DGKB: variants seen among roughly 807,000 people sequenced by gnomAD.
DGKB encodes 90 kDa diacylglycerol kinase.
DGKB carries 67 observed loss-of-function variants against 114.3 expected under a neutral mutation model. The observed-to-expected ratio is 0.59, with a 90% CI of 0.48 to 0.72. The LOEUF is 0.72. Ranked by LOEUF, DGKB falls within the 30% of genes least tolerant of loss-of-function variation. The probability of loss-of-function intolerance (pLI) is 0.00; values close to 1 mark genes in which losing one functional copy is unlikely to be tolerated. For missense variants in DGKB, 907 were observed against 975.2 expected, an observed-to-expected ratio of 0.93 and a Z score of 0.93; for synonymous variants, 398 against 323.1, an observed-to-expected ratio of 1.23 and a Z score of -2.49.
intron 20 of DGKB, among the ~76,000 whole-genome samples, chr7:14,562,718 G>A (rs915913116): frequency 1.3e-5 from 2 of 152,138 alleles, no homozygotes; most frequent in Non-Finnish European, 2.9e-5. Context: ...CCCAATGTCT[G>A]TACCCCCATT....
chr7:14,431,239 T>G (rs1828405969), intron 21 of DGKB, among the ~76,000 whole-genome samples: 1 of 152,140 alleles, frequency 6.6e-6, no homozygotes, highest in Non-Finnish European at 1.5e-5. Flanking sequence ...ACCTGACCGC[T>G]GAACCATCAG....
chr7:14,560,038 G>C (rs1796430964), intron 20 of DGKB, among the ~76,000 whole-genome samples: 2 of 139,554 alleles, frequency 1.4e-5, no homozygotes, highest in African/African-American at 5.3e-5. Flanking sequence ...TCAATCTTCT[G>C]CCCATTTTGT....
At chr7:14,833,044 A>G (rs1171759719) in intron 2 of DGKB, among the ~76,000 whole-genome samples, 2 of 152,058 alleles carry the variant, frequency 1.3e-5, no homozygotes, top group Admixed American at 6.6e-5. Flanking sequence ...ACTTACTTCT[A>G]AAAGCTGAAA....
At chr7:14,596,119 T>C (rs552269903) in intron 17 of DGKB, among the ~76,000 whole-genome samples, 13 of 152,298 alleles carry the variant, frequency 8.5e-5, no homozygotes, top group African/African-American at 3.1e-4. Context: ...ACATGTACTT[T>C]ACACATAAAC....
At chr7:14,213,971 G>A (rs767020155) in intron 23 of DGKB, among the ~76,000 whole-genome samples, 6 of 152,060 alleles carry the variant, frequency 3.9e-5, no homozygotes, top group South Asian at 2.1e-4. Context: ...TACATGTTGC[G>A]TTCTCTCTCT....
chr7:14,745,512 G>C (rs1366235497), intron 4 of DGKB, among the ~76,000 whole-genome samples: 18 of 152,182 alleles, frequency 1.2e-4, no homozygotes, highest in Admixed American at 1.2e-3. Context: ...GCACAGGGGG[G>C]CTTGCCTAAG....
intron 20 of DGKB, among the ~76,000 whole-genome samples, chr7:14,502,778 C>T (rs1343141230): frequency 6.6e-6 from 1 of 151,938 alleles, no homozygotes; most frequent in Admixed American, 6.6e-5. Flanking sequence ...CACAGAGCAC[C>T]CCAACTGCAA....
intron 25 of DGKB, among the ~76,000 whole-genome samples, chr7:14,151,462 C>CT (rs201389493): frequency 7.0e-6 from 1 of 143,114 alleles, no homozygotes; most frequent in Non-Finnish European, 1.5e-5. Flanking sequence ...ATATTAAAAA[C>CT]TTTTTAAAAA....
chr7:14,336,400 A>T (rs1315655027), intron 23 of DGKB, among the ~76,000 whole-genome samples: 1 of 152,208 alleles, frequency 6.6e-6, no homozygotes, highest in Non-Finnish European at 1.5e-5. Context: ...CTAGTCAGTT[A>T]AGTCAGGGAA....
In DGKB at chr7:14,915,664, T is replaced by C. The variant is rs1443007338; in HGVS notation, c.-188+59032A>G. 2.0e-5 allele frequency among the ~76,000 whole-genome samples: 3 copies of C among 152,148 alleles called. No individual in the cohort carries two copies. The East Asian group carries it at 5.8e-4, about 29-fold the overall frequency. ...CAAGCAAGAAGAAAGTGGAGACAAG[T>C]ATTTAAAGTGTGGAAAGAAAAAAAC... On this transcript the variant is annotated intron_variant, in intron 1 of 4. Transcript: ENST00000437998.
At chr7:14,949,762 C>G (rs1786075460) in intron 1 of DGKB, among the ~76,000 whole-genome samples, 1 of 151,952 alleles carries the variant, frequency 6.6e-6, no homozygotes, top group Non-Finnish European at 1.5e-5. Flanking sequence ...CCATGGAATA[C>G]TATGCAGCCA....
intron 21 of DGKB, among the ~76,000 whole-genome samples, chr7:14,411,767 T>C (rs1322874882): frequency 6.9e-6 from 1 of 145,906 alleles, no homozygotes; most frequent in African/African-American, 2.5e-5. Flanking sequence ...CCTACCTCTT[T>C]CTTTTTTTTC....
chr7:14,838,308 T>C (rs1847432827), intron 2 of DGKB, among the ~76,000 whole-genome samples: 2 of 152,206 alleles, frequency 1.3e-5, no homozygotes, highest in Non-Finnish European at 2.9e-5. Context: ...ATAGCAATTA[T>C]GAATAAAACA....
At chr7:14,516,473 C>A (rs1399197911) in intron 20 of DGKB, among the ~76,000 whole-genome samples, 1 of 152,134 alleles carries the variant, frequency 6.6e-6, no homozygotes, top group Non-Finnish European at 1.5e-5. Flanking sequence ...AAGCCATTCA[C>A]ATAGTAAAGA....
In DGKB at chr7:14,852,487, C is replaced by CAAAAAACAAAAAACAAAAAA. The variant is rs1554304212; in HGVS notation, c.-187-11038_-187-11037insTTTTTTGTTTTTTGTTTTTT. 3.2e-3 allele frequency among the ~76,000 whole-genome samples: 203 copies of CAAAAAACAAAAAACAAAAAA among 63,618 alleles called. 13 individuals are homozygous for CAAAAAACAAAAAACAAAAAA. Among genetic ancestry groups the CAAAAAACAAAAAACAAAAAA allele is most frequent in the East Asian group, 0.011 (21 of 2,000 alleles). The allele number at this position is 63,618 out of a possible 152,430, so 41.7% of individuals were successfully genotyped here. A position where few individuals can be genotyped will look rare whatever the true frequency, so the allele number is the denominator to read the frequency against. On this transcript the variant is annotated intron_variant, in intron 1 of 25. Coordinates refer to ENST00000402815, the MANE Select transcript of DGKB (RefSeq NM_001350709.2). ...GAGGAATAGCTAAAATAGTGAAAGT[C>CAAAAAACAAAAAACAAAAAA]AAAAAAAAAACAGAAATCAAGCATA...
intron 6 of DGKB, among the ~76,000 whole-genome samples, chr7:14,712,671 AAAAT>A (rs573281502): frequency 2.0e-5 from 3 of 152,018 alleles, no homozygotes; most frequent in East Asian, 1.9e-4. Context: ...ACTGTGTCTC[AAAAT>A]AAATAAATAA....
chr7:14,307,045 C>T (rs1178587339), intron 23 of DGKB, among the ~76,000 whole-genome samples: 1 of 143,322 alleles, frequency 7.0e-6, no homozygotes, highest in African/African-American at 2.6e-5. Context: ...CTCATTATAG[C>T]ACTTATCATA....
At chr7:14,391,019 T>C (rs1053704715) in intron 21 of DGKB, among the ~76,000 whole-genome samples, 1 of 152,188 alleles carries the variant, frequency 6.6e-6, no homozygotes, top group Non-Finnish European at 1.5e-5. Flanking sequence ...GAATACTTAA[T>C]TATTTGGAAA....
chr7:14,485,131 C>T (rs573871723), intron 20 of DGKB, among the ~76,000 whole-genome samples: 1 of 141,986 alleles, frequency 7.0e-6, no homozygotes, highest in Non-Finnish European at 1.5e-5. Context: ...CACACACACA[C>T]ACACAATCAG....
Sources: gnomAD v4.1 joint callset for allele counts (sites outside exome capture counted in the v4.1 genomes callset) on GRCh38, gnomAD v4.1.1 for gene constraint, MANE v1.5 for transcripts, NCBI Gene and HGNC (gene_info 2026-07-23, HGNC 2026-07-21) for gene names.